GRIK2: variants seen among roughly 807,000 people sequenced by gnomAD.
GRIK2 encodes the protein glutamate receptor ionotropic, kainate 2.
Under a neutral mutation model 100.3 loss-of-function variants are expected in GRIK2, and 32 were observed. That is an observed-to-expected ratio of 0.32 (90% CI 0.24 to 0.43). The LOEUF is 0.43. GRIK2 is among the 20% of genes least tolerant of loss of function. The pLI is 1.00. For synonymous variants in GRIK2, 417 were observed against 389.4 expected, an observed-to-expected ratio of 1.07 and a Z score of -0.83; for missense variants, 843 against 1,114.9, an observed-to-expected ratio of 0.76 and a Z score of 3.47.
intron 2 of GRIK2, among the ~76,000 whole-genome samples, chr6:101,543,368 G>A (rs996137250): frequency 1.3e-5 from 2 of 152,142 alleles, no homozygotes; most frequent in African/African-American, 4.8e-5. Context: ...CCTGGAAAAT[G>A]TAAACCTTTC....
At chr6:101,898,313 A>G (rs1157911257) in intron 12 of GRIK2, among the ~76,000 whole-genome samples, 3 of 151,916 alleles carry the variant, frequency 2.0e-5, no homozygotes, top group Admixed American at 6.6e-5. Context: ...TCAGAAAAGC[A>G]TTTGTATCAC....
chr6:101,422,341 T>C (rs1473106313), intron 2 of GRIK2, among the ~76,000 whole-genome samples: 1 of 152,200 alleles, frequency 6.6e-6, no homozygotes, highest in Non-Finnish European at 1.5e-5. Context: ...TCTCATCACC[T>C]GAAAGACAAA....
rs965489559 is a variant in GRIK2, at chr6:101,430,517, G to A, written c.115+31125G>A. 12 of 179,028 alleles carry A rather than the reference G, an allele frequency of 6.7e-5. 1 individual carries two copies. The highest frequency in any genetic ancestry group is 6.4e-4 in the South Asian group (5 of 7,816). 11.1% of individuals were successfully genotyped at this position (179,028 alleles called of 1,614,324 possible). A position where few individuals can be genotyped will look rare whatever the true frequency, so the allele number is the denominator to read the frequency against. On this transcript the variant is annotated intron_variant, in intron 2 of 16. Coordinates refer to ENST00000369134, the MANE Select transcript of GRIK2 (RefSeq NM_021956.5). Reference sequence around the variant, plus strand: ...AGTGGGGGTGATGATCTTGATCTTCGTGGTGTTGGGTGTCCGGGCAGTGAT... The same window carrying A: ...AGTGGGGGTGATGATCTTGATCTTCATGGTGTTGGGTGTCCGGGCAGTGAT...
intron 15 of GRIK2, among the ~76,000 whole-genome samples, chr6:102,037,903 A>G (rs1770356893): frequency 1.3e-5 from 2 of 151,300 alleles, no homozygotes; most frequent in Non-Finnish European, 3.0e-5. Flanking sequence ...AACTTCTTTG[A>G]TAATTTTTGA....
chr6:102,010,396 T>C (rs1322838698), intron 14 of GRIK2, among the ~76,000 whole-genome samples: 2 of 150,496 alleles, frequency 1.3e-5, no homozygotes, highest in African/African-American at 4.9e-5. Context: ...TTTTTTCTTT[T>C]CTTTTGAGAC....
chr6:101,618,157 A>G (rs1189060798), intron 2 of GRIK2, among the ~76,000 whole-genome samples: 1 of 151,340 alleles, frequency 6.6e-6, no homozygotes, highest in Admixed American at 6.6e-5. Context: ...TTATTTTTTA[A>G]TGTCACATTT....
intron 6 of GRIK2, among the ~76,000 whole-genome samples, chr6:101,683,817 A>G (rs1003508421): frequency 6.6e-5 from 10 of 152,224 alleles, no homozygotes; most frequent in Non-Finnish European, 1.3e-4. Context: ...TCTTCTGATT[A>G]TCTTAAAAAT....
chr6:101,758,581 A>G (rs1432258746), intron 7 of GRIK2, among the ~76,000 whole-genome samples: 1 of 152,208 alleles, frequency 6.6e-6, no homozygotes, highest in East Asian at 1.9e-4. Context: ...GAATGTGTCT[A>G]TGAGTGAAAG....
chr6:101,749,589 G>A (rs1379790736), intron 7 of GRIK2, among the ~76,000 whole-genome samples: 1 of 152,032 alleles, frequency 6.6e-6, no homozygotes, highest in Non-Finnish European at 1.5e-5. Context: ...GTCTATCAAT[G>A]AGGGTTAAAA....
chr6:101,521,489 C>T (rs1234652597), intron 2 of GRIK2, among the ~76,000 whole-genome samples: 1 of 151,852 alleles, frequency 6.6e-6, no homozygotes, highest in Non-Finnish European at 1.5e-5. Flanking sequence ...TGTCTGTTCT[C>T]AAATCTTGTA....
At chr6:101,909,386 T>TTTTTTTTG (rs1562481021) in intron 12 of GRIK2, among the ~76,000 whole-genome samples, 2 of 138,746 alleles carry the variant, frequency 1.4e-5, no homozygotes, top group Non-Finnish European at 1.5e-5. Context: ...CTTTTTCTTT[T>TTTTTTTTG]TTTTTTTTTT....
chr6:101,999,384 A>G (rs1486795248), intron 14 of GRIK2, among the ~76,000 whole-genome samples: 1 of 152,138 alleles, frequency 6.6e-6, no homozygotes, highest in African/African-American at 2.4e-5. Context: ...GTATTTCATC[A>G]TTAATGTTTA....
At chr6:101,751,705 C>T (rs1397517867) in intron 7 of GRIK2, among the ~76,000 whole-genome samples, 1 of 152,172 alleles carries the variant, frequency 6.6e-6, no homozygotes, top group Non-Finnish European at 1.5e-5. Context: ...CTGATTGCAA[C>T]CCCATGATAA....
intron 1 of GRIK2, among the ~76,000 whole-genome samples, chr6:101,394,181 T>A (rs1774911396): frequency 6.6e-6 from 1 of 152,180 alleles, no homozygotes. Context: ...ATGAGACAGA[T>A]GGCAAGAAGC....
At chr6:101,858,841 AT>A (rs758186525) in intron 10 of GRIK2, among the ~76,000 whole-genome samples, 3 of 152,078 alleles carry the variant, frequency 2.0e-5, no homozygotes, top group East Asian at 3.9e-4. Context: ...TTAGTCAGCA[AT>A]TTTTTTCATT....
intron 14 of GRIK2, among the ~76,000 whole-genome samples, chr6:101,970,847 A>G (rs1793004924): frequency 6.6e-6 from 1 of 150,806 alleles, no homozygotes; most frequent in Non-Finnish European, 1.5e-5. Flanking sequence ...TTTGAGTTTA[A>G]GTTGAAAAAA....
At chr6:101,963,185 T>C (rs927786158) in intron 14 of GRIK2, among the ~76,000 whole-genome samples, 1 of 151,004 alleles carries the variant, frequency 6.6e-6, no homozygotes, top group Non-Finnish European at 1.5e-5. Context: ...TTAATGATTT[T>C]TCTTTGTATT....
At chr6:101,636,045 T>C (rs760909070) in intron 4 of GRIK2, among the ~76,000 whole-genome samples, 1 of 152,060 alleles carries the variant, frequency 6.6e-6, no homozygotes, top group African/African-American at 2.4e-5. Flanking sequence ...TAAAGACACA[T>C]GCACACGTAT....
At chr6:101,526,983 T>C (rs1582645130) in intron 2 of GRIK2, among the ~76,000 whole-genome samples, 1 of 152,184 alleles carries the variant, frequency 6.6e-6, no homozygotes, top group Non-Finnish European at 1.5e-5. Flanking sequence ...ACATGGCCTG[T>C]CTCCCATACC....
Sources: gnomAD v4.1 joint callset for allele counts (sites outside exome capture counted in the v4.1 genomes callset) on GRCh38, gnomAD v4.1.1 for gene constraint, MANE v1.5 for transcripts, NCBI Gene and HGNC (gene_info 2026-07-23, HGNC 2026-07-21) for gene names.